Variants in MINDY3 observed in about 807,000 individuals in gnomAD.
The protein encoded by MINDY3 is ubiquitin carboxyl-terminal hydrolase MINDY-3.
Under a neutral mutation model 69.2 loss-of-function variants are expected in MINDY3, and 38 were observed. The observed-to-expected ratio is 0.55, with a 90% CI of 0.42 to 0.72. MINDY3 has a LOEUF of 0.72. Ranked by LOEUF, MINDY3 falls within the 30% of genes least tolerant of loss-of-function variation. MINDY3 has a pLI of 0.00. For synonymous variants in MINDY3, 192 were observed against 180.1 expected (o/e 1.07, Z -0.53); for missense variants, 522 against 519.0 (o/e 1.01, Z -0.06).
rs10719399 is a variant in MINDY3, at chr10:15,848,633, C to CAAAAAAAAAAAAAAAAAAAAAAAAAAAAA, written c.95-719_95-691dup. ...TGGGCCACAGAGCTAGACTTCATCT[C>CAAAAAAAAAAAAAAAAAAAAAAAAAAAAA]AAAAAAAAAAAAAAAAAAAAAAAAA... On this transcript the variant is annotated intron_variant, in intron 1 of 14. Coordinates refer to ENST00000277632, the MANE Select transcript of MINDY3 (RefSeq NM_024948.4). Among the ~76,000 whole-genome samples, 10 of 48,792 alleles carry CAAAAAAAAAAAAAAAAAAAAAAAAAAAAA rather than the reference C, an allele frequency of 2.0e-4. 1 individual carries two copies. Among genetic ancestry groups the CAAAAAAAAAAAAAAAAAAAAAAAAAAAAA allele is most frequent in the African/African-American group, 1.1e-3 (8 of 7,146 alleles). The allele number at this position is 48,792 out of a possible 152,430, so 32.0% of individuals were successfully genotyped here. A position where few individuals can be genotyped will look rare whatever the true frequency, so the allele number is the denominator to read the frequency against.
Position 15,789,193 on chromosome 10 carries a change from A to AAACTT in MINDY3, c.1028+49_1028+53dup, listed in dbSNP as rs1837222437. ...AGGCAAAAAATGTACAATATGTCTT[A>AAACTT]AACTTAATCGAATCTTTTTGAGTTG... On this transcript the variant is annotated intron_variant, in intron 12 of 14. Transcript: ENST00000277632. 22 of 1,425,438 alleles carry AAACTT rather than the reference A, an allele frequency of 1.5e-5. No individual in the cohort carries two copies. The South Asian group carries it at 2.3e-4, about 15-fold the overall frequency. The allele number at this position is 1,425,438 out of a possible 1,614,324, so 88.3% of individuals were successfully genotyped here.
chr10:15,851,294 G>A (rs897357114), intron 1 of MINDY3, among the ~76,000 whole-genome samples: 4 of 152,034 alleles, frequency 2.6e-5, no homozygotes, highest in African/African-American at 9.7e-5. Context: ...TTATAACCAT[G>A]TAATTCCCAA....
intron 2 of MINDY3, among the ~76,000 whole-genome samples, chr10:15,846,751 T>G (rs1179965283): frequency 6.7e-6 from 1 of 148,720 alleles, no homozygotes; most frequent in Non-Finnish European, 1.5e-5. Flanking sequence ...TGAGACAAAG[T>G]CTCGCTCTGT....
chr10:15,820,756 G>A (rs931313120), intron 9 of MINDY3, among the ~76,000 whole-genome samples: 9 of 152,148 alleles, frequency 5.9e-5, no homozygotes, highest in Admixed American at 1.3e-4. Flanking sequence ...CATGATTATC[G>A]TTATTACATA....
rs1025317017 is a variant in MINDY3, at chr10:15,821,771, G to A, written c.731-45C>T. On this transcript the variant is annotated intron_variant, in intron 8 of 14. Transcript: ENST00000277632. ...CAACAAAAAACGAAAACTTAGCATT[G>A]TAGTAGTGTGTATAAATTTGAAACG... 5 of 1,485,132 alleles carry A rather than the reference G, an allele frequency of 3.4e-6. No individual in the cohort carries two copies. The African/African-American group carries it at 4.2e-5, about 13-fold the overall frequency. 92.0% of individuals were successfully genotyped at this position (1,485,132 alleles called of 1,614,324 possible).
At chr10:15,815,987 G>A (rs941822092) in intron 10 of MINDY3, among the ~76,000 whole-genome samples, 3 of 152,018 alleles carry the variant, frequency 2.0e-5, no homozygotes, top group Admixed American at 6.6e-5. Context: ...CAGATATGGC[G>A]GGGCACAGTG....
intron 10 of MINDY3, among the ~76,000 whole-genome samples, chr10:15,809,836 G>A (rs1314838449): frequency 6.6e-6 from 1 of 152,044 alleles, no homozygotes; most frequent in Non-Finnish European, 1.5e-5. Context: ...CAGTTTTGTT[G>A]TTTGACAGAG....
In MINDY3 at chr10:15,819,466, A is replaced by G. The variant is rs558428060; in HGVS notation, c.801+2190T>C. 1.1e-4 allele frequency among the ~76,000 whole-genome samples: 17 copies of G among 152,294 alleles called. No homozygotes were observed. The South Asian group carries it at 3.5e-3, about 32-fold the overall frequency. The stretch of plus-strand genomic sequence containing the variant: ...CAGCCACTACCATTATAGGTCTCCC[A>G]CACTCCAGGGATCACCCTAATCACC... On this transcript the variant is annotated intron_variant, in intron 9 of 14. Transcript: ENST00000277632.
chr10:15,856,733 T>C (rs183620495), intron 1 of MINDY3, among the ~76,000 whole-genome samples: 159 of 152,268 alleles, frequency 1.0e-3, no homozygotes, highest in Non-Finnish European at 1.8e-3. Flanking sequence ...GCAATCAATA[T>C]TGAAAAGAAA....
intron 8 of MINDY3, among the ~76,000 whole-genome samples, chr10:15,828,467 T>A (rs1032788470): frequency 5.9e-5 from 9 of 152,098 alleles, no homozygotes; most frequent in African/African-American, 1.9e-4. Flanking sequence ...CAAAATTTTT[T>A]AAAATTGATT....
chr10:15,826,976 C>T (rs1190993261), intron 8 of MINDY3, among the ~76,000 whole-genome samples: 5 of 151,550 alleles, frequency 3.3e-5, no homozygotes, highest in African/African-American at 1.2e-4. Flanking sequence ...GGGGTGGAGC[C>T]GGGCATGATG....
chr10:15,860,097 T>C (rs1408036989), intron 1 of MINDY3, 109 bp downstream of exon 1: 4 of 795,780 alleles, frequency 5.0e-6, no homozygotes, highest in Non-Finnish European at 8.4e-6. Flanking sequence ...GCACGGCGAC[T>C]GGGGCAGAGA....
Position 15,817,045 on chromosome 10 carries a change from G to C in MINDY3, c.802-130C>G. 3 of 683,794 alleles carry C rather than the reference G, an allele frequency of 4.4e-6. No homozygotes were observed. In the South Asian group the frequency reaches 5.6e-5, roughly 13 times the overall value. 42.4% of individuals were successfully genotyped at this position (683,794 alleles called of 1,614,324 possible). ...AACTGAAATAATGTATTGTGCCCGA[G>C]CACTTCACCCATAGAGATCAAATGC... On this transcript the variant is annotated intron_variant, in intron 9 of 14. Transcript: ENST00000277632.
At chr10:15,809,385 C>G (rs1057490554) in intron 10 of MINDY3, among the ~76,000 whole-genome samples, 2 of 152,094 alleles carry the variant, frequency 1.3e-5, no homozygotes, top group Admixed American at 6.6e-5. Flanking sequence ...ATTCCTTAAG[C>G]GTCTACTTTT....
At chr10:15,827,176 T>TAAAAAAAAAAAAAA (rs56332799) in intron 8 of MINDY3, among the ~76,000 whole-genome samples, 1 of 44,874 alleles carries the variant, frequency 2.2e-5, no homozygotes, top group African/African-American at 1.1e-4. Context: ...ATAACAGGAG[T>TAAAAAAAAAAAAAA]AAAAAAAAAA....
rs749327801 is a variant in MINDY3 at position 15,841,431 on chromosome 10, T to A, written c.404A>T (p.His135Leu). Residue 135 changes from histidine to leucine, a missense_variant, in exon 4 of 15, where the codon CAT becomes CTT. Physicochemically the swap from His to Leu is moderately conservative, Grantham distance 99. Coordinates refer to ENST00000277632, the MANE Select transcript of MINDY3 (RefSeq NM_024948.4). The part of the protein sequence containing the change: ...SPAESSCQVE[H>L]SSALAVEELG... ...GAAATAAAAATATATCTTACAAGAA[T>A]GTTCCACTTGGCAACTAGACTCTGC... The A allele has an allele frequency of 2.5e-6, 4 of 1,606,628 alleles. No individual in the cohort carries two copies. The East Asian group carries it at 8.9e-5, about 36-fold the overall frequency.
At chr10:15,809,070 A>C (rs1347277563) in intron 10 of MINDY3, among the ~76,000 whole-genome samples, 2 of 152,198 alleles carry the variant, frequency 1.3e-5, no homozygotes, top group Non-Finnish European at 2.9e-5. Flanking sequence ...TTGCATTGAA[A>C]ATTAATTTCC....
At chr10:15,843,587 A>G (rs1833629544) in intron 2 of MINDY3, among the ~76,000 whole-genome samples, 1 of 152,118 alleles carries the variant, frequency 6.6e-6, no homozygotes, top group Admixed American at 6.6e-5. Context: ...TCTATTCACA[A>G]AGTGAAAGCC....
intron 9 of MINDY3, among the ~76,000 whole-genome samples, chr10:15,818,510 T>C (rs1186015243): frequency 2.0e-5 from 3 of 152,080 alleles, no homozygotes; most frequent in African/African-American, 4.8e-5. Flanking sequence ...CCTGGGTATA[T>C]ACAAAGAGAA....
Sources: allele counts gnomAD v4.1 joint callset (sites outside exome capture counted in the v4.1 genomes callset), GRCh38; gene constraint gnomAD v4.1.1; transcripts MANE v1.5; gene names NCBI Gene and HGNC (gene_info 2026-07-23, HGNC 2026-07-21).